The following CACNA2D3 variants were observed in gnomAD, a reference collection of about 807,000 sequenced individuals.
The protein encoded by CACNA2D3 is voltage-dependent calcium channel subunit alpha-2/delta-3.
A neutral mutation model predicts 160.6 loss-of-function variants in CACNA2D3; 60 were observed. The ratio of observed to expected loss-of-function variants is 0.37; its 90% CI spans 0.30 to 0.46. CACNA2D3 has a LOEUF of 0.46. Among genes scored for constraint, CACNA2D3 ranks in the 20% least tolerant of loss-of-function variants. The pLI is 1.00. For missense variants in CACNA2D3, 1,205 were observed against 1,365.0 expected, an observed-to-expected ratio of 0.88 and a Z score of 1.85; for synonymous variants, 558 against 492.9, an observed-to-expected ratio of 1.13 and a Z score of -1.75.
chr3:54,507,105 G>A (rs1701382983), intron 5 of CACNA2D3, among the ~76,000 whole-genome samples: 1 of 152,148 alleles, frequency 6.6e-6, no homozygotes, highest in Non-Finnish European at 1.5e-5. Context: ...ATATGTGAAT[G>A]TGTGTGAAAG....
chr3:54,749,118 C>T (rs187284414), intron 11 of CACNA2D3, among the ~76,000 whole-genome samples: 29 of 152,230 alleles, frequency 1.9e-4, no homozygotes, highest in African/African-American at 5.8e-4. Context: ...TTAAAATGAT[C>T]TTTAATTATT....
At chr3:54,971,942 T>A (rs1702282098) in intron 29 of CACNA2D3, among the ~76,000 whole-genome samples, 1 of 152,064 alleles carries the variant, frequency 6.6e-6, no homozygotes, top group Admixed American at 6.5e-5. Flanking sequence ...AGATAAGACA[T>A]GAACAATGCA....
At chr3:54,161,757 T>A (rs1700349256) in intron 2 of CACNA2D3, among the ~76,000 whole-genome samples, 1 of 152,246 alleles carries the variant, frequency 6.6e-6, no homozygotes, top group Admixed American at 6.5e-5. Flanking sequence ...CTTTCCATTG[T>A]GTACCTTGAC....
At chr3:54,695,300 G>C (rs1259366015) in intron 11 of CACNA2D3, among the ~76,000 whole-genome samples, 2 of 151,960 alleles carry the variant, frequency 1.3e-5, no homozygotes, top group African/African-American at 4.8e-5. Flanking sequence ...TTAGAGGCAT[G>C]AGCCACCACA....
At chr3:54,371,777 A>G (rs1020092102) in intron 3 of CACNA2D3, among the ~76,000 whole-genome samples, 4 of 152,262 alleles carry the variant, frequency 2.6e-5, no homozygotes, top group African/African-American at 9.6e-5. Flanking sequence ...TTTTTTGTTC[A>G]AGTATCAGGA....
chr3:55,003,183 C>T (rs188205521), intron 31 of CACNA2D3, among the ~76,000 whole-genome samples: 4 of 152,228 alleles, frequency 2.6e-5, no homozygotes, highest in South Asian at 2.1e-4. Context: ...GAATTTCATC[C>T]AGTCATGTAG....
At chr3:54,509,014 G>A (rs1441585674) in intron 5 of CACNA2D3, among the ~76,000 whole-genome samples, 1 of 152,218 alleles carries the variant, frequency 6.6e-6, no homozygotes, top group Non-Finnish European at 1.5e-5. Context: ...GGGCAGGGTT[G>A]CTGAATTTGG....
chr3:54,428,454 T>G (rs887587874), intron 4 of CACNA2D3, among the ~76,000 whole-genome samples: 1 of 152,170 alleles, frequency 6.6e-6, no homozygotes, highest in Non-Finnish European at 1.5e-5. Context: ...GACACCATAA[T>G]GTGACCATCC....
intron 11 of CACNA2D3, among the ~76,000 whole-genome samples, chr3:54,653,405 C>T (rs946731717): frequency 4.6e-5 from 7 of 152,076 alleles, no homozygotes; most frequent in Non-Finnish European, 1.0e-4. Flanking sequence ...CACATTTGGT[C>T]CAAAAGTTTT....
intron 4 of CACNA2D3, among the ~76,000 whole-genome samples, chr3:54,391,516 CTTTTTTTT>C (rs758458509): frequency 7.0e-6 from 1 of 142,034 alleles, no homozygotes; most frequent in African/African-American, 2.6e-5. Context: ...TTCTTTCTTT[CTTTTTTTT>C]TTTTGAGACA....
intron 34 of CACNA2D3, among the ~76,000 whole-genome samples, chr3:55,011,652 G>A (rs10049116): frequency 0.048 from 7,332 of 152,216 alleles, 617 homozygotes; most frequent in African/African-American, 0.17. Flanking sequence ...AAAATGGTGG[G>A]AGGAAGGAGA....
intron 9 of CACNA2D3, chr3:54,626,710 G>C: frequency 3.2e-6 from 2 of 633,412 alleles, no homozygotes; most frequent in Non-Finnish European, 2.6e-6. Flanking sequence ...AAAAAAAAAA[G>C]AAAGAAAAAG....
At position 55,034,209 on chromosome 3, in the gene CACNA2D3, C is replaced by T. The variant is rs554767304; in HGVS notation, c.2987+15892C>T. On this transcript the variant is annotated intron_variant, in intron 35 of 37. Coordinates refer to ENST00000474759, the MANE Select transcript of CACNA2D3 (RefSeq NM_018398.3). ...AATGTTAGTTATATTCATACCAACACGGTGTGTTATGAAATGTTCTGCTCT... is the reference window on the plus strand; with the variant it reads ...AATGTTAGTTATATTCATACCAACATGGTGTGTTATGAAATGTTCTGCTCT... Among the ~76,000 whole-genome samples, 10 of 151,926 alleles carry T rather than the reference C, an allele frequency of 6.6e-5. No homozygotes were observed. The South Asian group carries it at 1.0e-3, about 16-fold the overall frequency.
In CACNA2D3 at chr3:54,810,861, C is replaced by G. The variant is rs113497794; in HGVS notation, c.1381-5992C>G. Among the ~76,000 whole-genome samples, 621 of 152,262 alleles carry G rather than the reference C, an allele frequency of 4.1e-3. 4 individuals carry two copies. Among genetic ancestry groups the G allele is most frequent in the African/African-American group, 0.013 (537 of 41,560 alleles). ...ATGAAGTGAATTAGGAGAATTAAAA[C>G]AAAAACATGTCCCTCTGCTCGGTGG... On this transcript the variant is annotated intron_variant, in intron 13 of 37. Transcript: ENST00000474759.
intron 29 of CACNA2D3, among the ~76,000 whole-genome samples, chr3:54,970,971 T>C (rs1702265528): frequency 6.6e-6 from 1 of 152,012 alleles, no homozygotes; most frequent in Non-Finnish European, 1.5e-5. Flanking sequence ...GATTAGGAAG[T>C]AGATTTCAAA....
At chr3:54,760,695 G>C (rs909519992) in intron 12 of CACNA2D3, among the ~76,000 whole-genome samples, 3 of 151,988 alleles carry the variant, frequency 2.0e-5, no homozygotes, top group African/African-American at 7.3e-5. Context: ...AATTTAGATA[G>C]ATTTTAGAGA....
At chr3:54,805,221 T>C (rs1264764714) in intron 13 of CACNA2D3, among the ~76,000 whole-genome samples, 2 of 151,946 alleles carry the variant, frequency 1.3e-5, no homozygotes, top group South Asian at 2.1e-4. Context: ...CTGAAGGAAA[T>C]AGAGACACAA....
chr3:54,439,728 A>G (rs1382269063), intron 4 of CACNA2D3, among the ~76,000 whole-genome samples: 1 of 152,028 alleles, frequency 6.6e-6, no homozygotes, highest in Non-Finnish European at 1.5e-5. Flanking sequence ...GTCACAGAGG[A>G]GGCTTGCCCT....
chr3:54,842,038 AGTGTATTGATTT>A (rs1189131919), intron 16 of CACNA2D3, among the ~76,000 whole-genome samples: 2 of 152,252 alleles, frequency 1.3e-5, no homozygotes, highest in Non-Finnish European at 2.9e-5. Context: ...CGATTTCATC[AGTGTATTGATTT>A]GTGGCCAAAA....
Sources: allele counts gnomAD v4.1 joint callset (sites outside exome capture counted in the v4.1 genomes callset), GRCh38; gene constraint gnomAD v4.1.1; transcripts MANE v1.5; gene names NCBI Gene and HGNC (gene_info 2026-07-23, HGNC 2026-07-21).